NR6A1: variants seen among roughly 807,000 people sequenced by gnomAD.
The protein encoded by NR6A1 is nuclear receptor subfamily 6 group A member 1.
A neutral mutation model predicts 59.1 loss-of-function variants in NR6A1; 7 were observed. The ratio of observed to expected loss-of-function variants is 0.12; its 90% confidence interval spans 0.07 to 0.22. NR6A1 has a LOEUF of 0.22. Ranked by LOEUF, NR6A1 falls within the 10% of genes least tolerant of loss-of-function variation. The pLI is 1.00. For missense variants in NR6A1, 468 were observed against 611.6 expected, an observed-to-expected ratio of 0.77 and a Z score of 2.48; for synonymous variants, 243 against 236.1, an observed-to-expected ratio of 1.03 and a Z score of -0.27.
rs767828119 is a variant in NR6A1 at position 124,540,014 on chromosome 9, G to C, written c.596+19C>G. 1 of 1,560,796 alleles carries C rather than the reference G, an allele frequency of 6.4e-7. No individual in the cohort carries two copies. The highest frequency in any genetic ancestry group is 1.8e-5 in the Admixed American group (1 of 54,660). On this transcript the variant is annotated intron_variant, in intron 5 of 9. Transcript: ENST00000487099. Reference sequence around the variant, plus strand: ...GGGGGATCCCTAGATGATGACCATGGGTTTGCCTTAAAGCTCACCTGGAAG... The same window carrying C: ...GGGGGATCCCTAGATGATGACCATGCGTTTGCCTTAAAGCTCACCTGGAAG...
intron 2 of NR6A1, among the ~76,000 whole-genome samples, chr9:124,632,521 C>T (rs1374441337): frequency 6.6e-6 from 1 of 152,040 alleles, no homozygotes; most frequent in African/African-American, 2.4e-5. Context: ...TGTTTTGTTT[C>T]TTGTAAATTT....
At chr9:124,733,175 A>G in intron 2 of NR6A1, 133 bp downstream of exon 2, 2 of 708,326 alleles carry the variant, frequency 2.8e-6, no homozygotes, top group Non-Finnish European at 5.0e-6. Flanking sequence ...TCCTATAATT[A>G]CAAATTAAAG....
intron 2 of NR6A1, among the ~76,000 whole-genome samples, chr9:124,646,729 C>T (rs1027391622): frequency 6.6e-6 from 1 of 152,192 alleles, no homozygotes; most frequent in African/African-American, 2.4e-5. Flanking sequence ...TGTTGGGCCA[C>T]ATTCAAAGCC....
chr9:124,588,938 G>A (rs4838195), intron 2 of NR6A1, among the ~76,000 whole-genome samples: 70,354 of 128,790 alleles, frequency 0.55, 17,630 homozygotes, highest in Admixed American at 0.63. Flanking sequence ...AAAAAAGAAA[G>A]AAAAAAAAAA....
chr9:124,535,099 G>C (rs1833216123), intron 7 of NR6A1, among the ~76,000 whole-genome samples: 1 of 152,154 alleles, frequency 6.6e-6, no homozygotes, highest in African/African-American at 2.4e-5. Flanking sequence ...ACTCCAGCCT[G>C]GGTGACAGAG....
chr9:124,711,433 TAA>T (rs1053792246), intron 2 of NR6A1, among the ~76,000 whole-genome samples: 7 of 141,724 alleles, frequency 4.9e-5, no homozygotes, highest in African/African-American at 7.7e-5. Flanking sequence ...TATTTCCATT[TAA>T]AAAAAAAAAA....
At chr9:124,578,113 T>C (rs1047399689) in intron 2 of NR6A1, among the ~76,000 whole-genome samples, 6 of 152,344 alleles carry the variant, frequency 3.9e-5, no homozygotes, top group African/African-American at 1.4e-4. Context: ...TCAACAGTTT[T>C]TCAGTCTCTT....
intron 2 of NR6A1, among the ~76,000 whole-genome samples, chr9:124,618,270 A>C (rs1374996149): frequency 6.6e-6 from 1 of 152,078 alleles, no homozygotes; most frequent in East Asian, 1.9e-4. Context: ...TCACTTGAGG[A>C]CAAAAGTTCG....
chr9:124,748,547 A>T (rs1840401098), intron 1 of NR6A1, among the ~76,000 whole-genome samples: 1 of 152,166 alleles, frequency 6.6e-6, no homozygotes, highest in Admixed American at 6.5e-5. Flanking sequence ...CATTTCCCCG[A>T]TCTAAAAATG....
At chr9:124,630,268 T>G (rs994120293) in intron 2 of NR6A1, among the ~76,000 whole-genome samples, 1 of 136,448 alleles carries the variant, frequency 7.3e-6, no homozygotes, top group Non-Finnish European at 1.5e-5. Context: ...CAGGCTGGAG[T>G]GCAATGGCAT....
intron 2 of NR6A1, among the ~76,000 whole-genome samples, chr9:124,694,971 G>A (rs1178582222): frequency 6.6e-6 from 1 of 152,186 alleles, no homozygotes; most frequent in Non-Finnish European, 1.5e-5. Context: ...ATCATCTAGA[G>A]TTGCTTTTAA....
rs1051828540 is a variant in NR6A1 at position 124,559,664 on chromosome 9, C to A, written c.143-5094G>T. 4.6e-5 allele frequency among the ~76,000 whole-genome samples: 7 copies of A among 152,076 alleles called. No individual in the cohort carries two copies. In the East Asian group the frequency reaches 1.3e-3, roughly 29 times the overall value. On this transcript the variant is annotated intron_variant, in intron 2 of 9. Transcript: ENST00000487099. ...TGGTGGCACATGCCTGTAATCCCAGCGACTCGGGAGGCTGAGGCAGGAGAA... is the reference window on the plus strand; with the variant it reads ...TGGTGGCACATGCCTGTAATCCCAGAGACTCGGGAGGCTGAGGCAGGAGAA...
intron 1 of NR6A1, among the ~76,000 whole-genome samples, chr9:124,734,763 G>A (rs1839975948): frequency 6.6e-6 from 1 of 152,094 alleles, no homozygotes; most frequent in Admixed American, 6.6e-5. Context: ...GTCAAAACTG[G>A]GTGACCAAAA....
chr9:124,621,245 C>A (rs940768871), intron 2 of NR6A1, among the ~76,000 whole-genome samples: 1 of 152,122 alleles, frequency 6.6e-6, no homozygotes, highest in Admixed American at 6.6e-5. Flanking sequence ...TTGTTCCTTA[C>A]ACAGTCTGGC....
intron 3 of NR6A1, among the ~76,000 whole-genome samples, chr9:124,544,073 C>T (rs963116156): frequency 6.6e-6 from 1 of 152,246 alleles, no homozygotes; most frequent in Admixed American, 6.5e-5. Flanking sequence ...GCATTGCGTA[C>T]ATACTACACA....
intron 2 of NR6A1, among the ~76,000 whole-genome samples, chr9:124,566,587 A>G (rs2131415797): frequency 6.6e-6 from 1 of 152,308 alleles, no homozygotes; most frequent in African/African-American, 2.4e-5. Context: ...ATAGACTGCA[A>G]TCGATATTAT....
intron 3 of NR6A1, among the ~76,000 whole-genome samples, chr9:124,545,576 A>G (rs1409907350): frequency 6.6e-6 from 1 of 152,144 alleles, no homozygotes. Flanking sequence ...CTGCTGTTCC[A>G]TGGTCAATGA....
chr9:124,709,739 G>T (rs1427223994), intron 2 of NR6A1, among the ~76,000 whole-genome samples: 2 of 115,110 alleles, frequency 1.7e-5, no homozygotes, highest in African/African-American at 2.9e-5. Flanking sequence ...TTCGAGACCA[G>T]CCTGACCAAC....
At chr9:124,606,622 C>T (rs1164956313) in intron 2 of NR6A1, among the ~76,000 whole-genome samples, 1 of 152,196 alleles carries the variant, frequency 6.6e-6, no homozygotes, top group African/African-American at 2.4e-5. Flanking sequence ...CACTTCAATT[C>T]TCCTAAGTCT....
Sources: gnomAD v4.1 joint callset for allele counts (sites outside exome capture counted in the v4.1 genomes callset) on GRCh38, gnomAD v4.1.1 for gene constraint, MANE v1.5 for transcripts, NCBI Gene and HGNC (gene_info 2026-07-23, HGNC 2026-07-21) for gene names.